PTPRD: variants seen among roughly 807,000 people sequenced by gnomAD.
PTPRD encodes receptor-type tyrosine-protein phosphatase delta.
Under a neutral mutation model 214.5 loss-of-function variants are expected in PTPRD, and 34 were observed. That is an observed-to-expected ratio of 0.16 (90% CI 0.12 to 0.21). The LOEUF is 0.21. Among genes scored for constraint, PTPRD ranks in the 10% least tolerant of loss-of-function variants. The pLI is 1.00. For synonymous variants in PTPRD, 1,128 were observed against 845.7 expected (o/e 1.33, Z -5.79); for missense variants, 2,545 against 2,398.7 (o/e 1.06, Z -1.27).
In PTPRD at chr9:8,338,840, C is replaced by T. The variant is rs553093137; in HGVS notation, c.5379+82G>A. 71 of 1,035,528 alleles carry T rather than the reference C, an allele frequency of 6.9e-5. 1 individual carries two copies. In the African/African-American group the frequency reaches 1.3e-3, roughly 18 times the overall value. The allele number at this position is 1,035,528 out of a possible 1,614,324, so 64.1% of individuals were successfully genotyped here. ...TGGGACAACAGTCAAGTGGCAAGTG[C>T]TTCTCCCAGAGAGAGAGAGAGAGAG... is the stretch of plus-strand genomic sequence containing the variant. On this transcript the variant is annotated intron_variant, in intron 43 of 45. Coordinates refer to ENST00000381196, the MANE Select transcript of PTPRD (RefSeq NM_002839.4).
intron 11 of PTPRD, among the ~76,000 whole-genome samples, chr9:8,795,676 T>C (rs1313287278): frequency 2.6e-5 from 4 of 152,318 alleles, no homozygotes; most frequent in South Asian, 2.1e-4. Context: ...TAAGAATAGA[T>C]TGCAATGTCC....
At chr9:9,572,733 G>GA (rs1006744161) in intron 8 of PTPRD, among the ~76,000 whole-genome samples, 2 of 149,648 alleles carry the variant, frequency 1.3e-5, no homozygotes, top group African/African-American at 4.9e-5. Context: ...AATCTAGTAA[G>GA]AAAAAAAAGG....
At position 8,348,387 on chromosome 9, in the gene PTPRD, C is replaced by T. The variant is rs141559526; in HGVS notation, c.4662-6409G>A. Among the ~76,000 whole-genome samples, 132 of 152,088 alleles carry T rather than the reference C, an allele frequency of 8.7e-4. 1 individual carries two copies. The highest frequency in any genetic ancestry group is 3.1e-3 in the African/African-American group (129 of 41,482). ...CTGATGCCTTATATATCTGAGAAACCCTTTGTGGGTTTCTTTTTTTCTTTA... is the reference window on the plus strand; with the variant it reads ...CTGATGCCTTATATATCTGAGAAACTCTTTGTGGGTTTCTTTTTTTCTTTA... On this transcript the variant is annotated intron_variant, in intron 39 of 45. Coordinates refer to ENST00000381196, the MANE Select transcript of PTPRD (RefSeq NM_002839.4).
chr9:8,819,115 T>A (rs564905971), intron 11 of PTPRD, among the ~76,000 whole-genome samples: 1 of 152,286 alleles, frequency 6.6e-6, no homozygotes, highest in South Asian at 2.1e-4. Context: ...TCCTTAACGT[T>A]GTTAGGATCA....
chr9:10,396,119 C>A (rs2098165636), intron 2 of PTPRD, among the ~76,000 whole-genome samples: 1 of 151,896 alleles, frequency 6.6e-6, no homozygotes, highest in African/African-American at 2.4e-5. Flanking sequence ...CATGAAAACC[C>A]CTCAGATTGT....
chr9:8,414,981 G>C (rs1257603682), intron 35 of PTPRD, among the ~76,000 whole-genome samples: 1 of 150,166 alleles, frequency 6.7e-6, no homozygotes, highest in Non-Finnish European at 1.5e-5. Flanking sequence ...GAGACAGACA[G>C]ACAGGGGGCA....
chr9:8,972,219 G>C (rs115561857), intron 11 of PTPRD, among the ~76,000 whole-genome samples: 2 of 151,758 alleles, frequency 1.3e-5, no homozygotes, highest in African/African-American at 4.8e-5. Flanking sequence ...AGACTAATAC[G>C]GGACTGGTGT....
rs556459632 is a variant in PTPRD at position 9,173,268 on chromosome 9, T to C, written c.-143+10036A>G. Among the ~76,000 whole-genome samples the C allele has an allele frequency of 2.0e-5, 3 of 152,304 alleles. No homozygotes were observed. The South Asian group carries it at 6.2e-4, about 32-fold the overall frequency. On this transcript the variant is annotated intron_variant, in intron 10 of 45. Transcript: ENST00000381196. The stretch of plus-strand genomic sequence containing the variant: ...ATATTCTCCTTACTCAATACTTTAA[T>C]TTTATTTCCCTACTTTATCTTGTCC...
intron 2 of PTPRD, among the ~76,000 whole-genome samples, chr9:10,528,501 A>G (rs1401743925): frequency 6.6e-6 from 1 of 152,164 alleles, no homozygotes; most frequent in Non-Finnish European, 1.5e-5. Context: ...CCACCACAAG[A>G]ATGTCAAATT....
intron 3 of PTPRD, among the ~76,000 whole-genome samples, chr9:10,108,780 C>T (rs2098661357): frequency 6.6e-6 from 1 of 151,776 alleles, no homozygotes; most frequent in Non-Finnish European, 1.5e-5. Flanking sequence ...TACTATTCAT[C>T]CTTAAAAAAG....
intron 39 of PTPRD, among the ~76,000 whole-genome samples, chr9:8,359,047 G>C (rs948382442): frequency 6.2e-4 from 84 of 135,882 alleles, no homozygotes; most frequent in Non-Finnish European, 1.2e-3. Context: ...GGCGGAGCTT[G>C]CAGTGAGCCG....
intron 4 of PTPRD, among the ~76,000 whole-genome samples, chr9:9,998,633 T>TC (rs2096231883): frequency 1.3e-5 from 2 of 151,592 alleles, no homozygotes; most frequent in Non-Finnish European, 2.9e-5. Context: ...TGTGGCAGGA[T>TC]CACTGTCCTC....
At chr9:8,962,316 T>C (rs41281793) in intron 11 of PTPRD, 22,156 of 152,216 alleles carry the variant, frequency 0.15, 2,176 homozygotes, top group Non-Finnish European at 0.22. Flanking sequence ...CTCTGCCCTC[T>C]GAACAACCCT....
At chr9:8,645,591 A>G (rs1189631460) in intron 12 of PTPRD, among the ~76,000 whole-genome samples, 2 of 152,080 alleles carry the variant, frequency 1.3e-5, no homozygotes, top group East Asian at 1.9e-4. Context: ...ATGACTACCA[A>G]TATCTAATTT....
intron 9 of PTPRD, among the ~76,000 whole-genome samples, chr9:9,354,686 G>A (rs150080735): frequency 3.5e-4 from 53 of 151,840 alleles, no homozygotes; most frequent in African/African-American, 1.3e-3. Flanking sequence ...AAGTGCTATG[G>A]AATGATAGTA....
intron 10 of PTPRD, among the ~76,000 whole-genome samples, chr9:9,087,878 CTTTTT>C (rs59824704): frequency 7.3e-5 from 5 of 68,638 alleles, no homozygotes; most frequent in East Asian, 5.2e-4. Context: ...GCCCTAAACT[CTTTTT>C]TTTTTTTTTT....
intron 12 of PTPRD, among the ~76,000 whole-genome samples, chr9:8,640,571 A>C (rs1381813829): frequency 2.6e-5 from 4 of 151,180 alleles, no homozygotes; most frequent in Admixed American, 2.0e-4. Context: ...CAAAAAAAAA[A>C]AAAACAAAAA....
intron 3 of PTPRD, among the ~76,000 whole-genome samples, chr9:10,117,577 C>T (rs748832162): frequency 6.7e-6 from 1 of 149,292 alleles, no homozygotes; most frequent in Non-Finnish European, 1.5e-5. Flanking sequence ...TCCTTCTTCA[C>T]TTGGCCTTCT....
At chr9:10,438,008 C>CATATATATTATATAT (rs1555347109) in intron 2 of PTPRD, among the ~76,000 whole-genome samples, 5 of 125,140 alleles carry the variant, frequency 4.0e-5, no homozygotes, top group African/African-American at 1.2e-4. Context: ...CCTAAGTCTA[C>CATATATATTATATAT]ATATATATAT....
Sources: allele counts gnomAD v4.1 joint callset (sites outside exome capture counted in the v4.1 genomes callset), GRCh38; gene constraint gnomAD v4.1.1; transcripts MANE v1.5; gene names NCBI Gene and HGNC (gene_info 2026-07-23, HGNC 2026-07-21).